Variants in ZNF808 observed in about 807,000 individuals in gnomAD.
ZNF808 encodes the protein zinc finger protein 808.
Under a neutral mutation model 8.7 loss-of-function variants are expected in ZNF808, and 5 were observed. That is an observed-to-expected ratio of 0.58 (90% CI 0.30 to 1.21). ZNF808 has a LOEUF of 1.21. Among genes scored for constraint, ZNF808 ranks in the 50% most tolerant of loss-of-function variants. The pLI is 0.07. For missense variants in ZNF808, 1,103 were observed against 1,098.4 expected, an observed-to-expected ratio of 1.00 and a Z score of -0.06; for synonymous variants, 380 against 366.0, an observed-to-expected ratio of 1.04 and a Z score of -0.44.
At chr19:52,533,803 A>C (rs953911113) in intron 2 of ZNF808, among the ~76,000 whole-genome samples, 2 of 133,658 alleles carry the variant, frequency 1.5e-5, no homozygotes, top group African/African-American at 5.6e-5. Flanking sequence ...AGATTGTGCC[A>C]CTGCACTGTA....
intron 1 of ZNF808, among the ~76,000 whole-genome samples, chr19:52,532,625 G>A (rs1259813473): frequency 1.3e-5 from 2 of 151,940 alleles, no homozygotes; most frequent in Admixed American, 1.3e-4. Context: ...TACATTTTAG[G>A]GTCACAGTGG....
chr19:52,562,244 G>T (rs982957116), intron 3 of ZNF808, among the ~76,000 whole-genome samples: 34 of 152,142 alleles, frequency 2.2e-4, no homozygotes, highest in Non-Finnish European at 7.3e-5. Flanking sequence ...TGGGTGTGGT[G>T]TAACATGCCT....
At chr19:52,530,196 G>A (rs2059548780) in intron 1 of ZNF808, among the ~76,000 whole-genome samples, 1 of 152,076 alleles carries the variant, frequency 6.6e-6, no homozygotes, top group African/African-American at 2.4e-5. Context: ...GAGTAGTTGG[G>A]AGTACAGGCA....
rs910297536 is a variant in ZNF808, at chr19:52,547,394, C to T, written c.64-118C>T. 1.9e-6 allele frequency: 3 copies of T among 1,553,162 alleles called. No homozygotes were observed. The African/African-American group carries it at 4.2e-5, about 22-fold the overall frequency. ...AAATAGTCAAAAATACCTTAACATC[C>T]TTTTGTCAGAACACAGTCTTTGATC... is the stretch of plus-strand genomic sequence containing the variant. On this transcript the variant is annotated intron_variant, in intron 3 of 4. Coordinates refer to ENST00000359798, the MANE Select transcript of ZNF808 (RefSeq NM_001039886.4).
chr19:52,562,237 G>A (rs1448165652), intron 3 of ZNF808, among the ~76,000 whole-genome samples: 1 of 152,110 alleles, frequency 6.6e-6, no homozygotes. Flanking sequence ...AATTACCTGG[G>A]TGTGGTGTAA....
chr19:52,530,180 T>C (rs2633517), intron 1 of ZNF808, among the ~76,000 whole-genome samples: 36,708 of 151,770 alleles, frequency 0.24, 5,017 homozygotes, highest in East Asian at 0.5. Context: ...ACTGCCTCAC[T>C]CTCCAGAGTA....
At chr19:52,530,609 G>A (rs1482574009) in intron 1 of ZNF808, among the ~76,000 whole-genome samples, 1 of 151,772 alleles carries the variant, frequency 6.6e-6, no homozygotes, top group Non-Finnish European at 1.5e-5. Flanking sequence ...GTTGCAGTGA[G>A]CCGAGATTGC....
At chr19:52,560,033 G>A (rs978585087), downstream of ZNF808, among the ~76,000 whole-genome samples, 5 of 152,164 alleles carry the variant, frequency 3.3e-5, no homozygotes, top group South Asian at 8.3e-4. Context: ...CTATCACAAT[G>A]ATGAGTTATT....
At position 52,554,891 on chromosome 19, in the gene ZNF808, A is replaced by T. The variant is rs765937370; in HGVS notation, c.1975A>T (p.Thr659Ser). ...TTACAAGTGTAATGAGTGTGGGAAG[A>T]CCTTCAGTTACAAGTCATCACTTGT... ...KTYKCNECGK[T>S]FSYKSSLVWH... The change falls in exon 5 of 5, where the codon ACC becomes TCC. Residue 659 changes from threonine (T) to serine (S), a missense_variant. By Grantham distance (58) the Thr-to-Ser change is moderately conservative (BLOSUM62 1). Coordinates refer to ENST00000359798, the MANE Select transcript of ZNF808 (RefSeq NM_001039886.4). 2 of 1,614,134 alleles carry T rather than the reference A, an allele frequency of 1.2e-6. No individual in the cohort carries two copies. Among genetic ancestry groups the T allele is most frequent in the South Asian group, 2.2e-5 (2 of 91,082 alleles).
chr19:52,531,432 G>A (rs1229933022), intron 1 of ZNF808, among the ~76,000 whole-genome samples: 6 of 151,452 alleles, frequency 4.0e-5, no homozygotes, highest in South Asian at 2.1e-4. Context: ...CCAAGATCGC[G>A]CCATTGCACT....
intron 2 of ZNF808, among the ~76,000 whole-genome samples, chr19:52,539,709 A>G (rs2123112171): frequency 6.6e-6 from 1 of 151,380 alleles, no homozygotes; most frequent in Non-Finnish European, 1.5e-5. Flanking sequence ...ACACACCACC[A>G]TGGCCGGCTA....
downstream of ZNF808, among the ~76,000 whole-genome samples, chr19:52,560,886 T>C (rs1011192312): frequency 6.6e-6 from 1 of 152,116 alleles, no homozygotes; most frequent in Admixed American, 6.6e-5. Flanking sequence ...GGATGCAAAA[T>C]ACTGTTGCTT....
downstream of ZNF808, among the ~76,000 whole-genome samples, chr19:52,559,994 T>C (rs530520332): frequency 6.6e-4 from 101 of 152,322 alleles, no homozygotes; most frequent in African/African-American, 2.4e-3. Flanking sequence ...ATAGTTGTTA[T>C]GATTGTAAGT....
Position 52,553,593 on chromosome 19 carries a change from T to C in ZNF808, c.677T>C (p.Met226Thr), listed in dbSNP as rs1348017376. 1 of 1,614,060 alleles carries C rather than the reference T, an allele frequency of 6.2e-7. No individual in the cohort carries two copies. Among genetic ancestry groups the C allele is most frequent in the Non-Finnish European group, 8.5e-7 (1 of 1,180,030 alleles). ...CTCCCACAAAAACAGGAAGTACACA[T>C]GAGAGAAAAATCTTTCCCATGTAAT... The part of the protein sequence containing the change: ...SLLPQKQEVH[M>T]REKSFPCNES... The change falls in exon 5 of 5, where the codon ATG (methionine) becomes ACG (threonine). Residue 226 changes from methionine (M) to threonine (T), a missense_variant. By Grantham distance (81) the Met-to-Thr change is moderately conservative (BLOSUM62 -1). Transcript: ENST00000359798.
chr19:52,555,062 T>C lies in ZNF808; in HGVS notation c.2146T>C (p.Phe716Leu). ...PYKCNECSKT[F>L]SNRSSLVCHR... ...CAAGTGTAATGAGTGCAGCAAGACCTTCAGTAACAGGTCATCCCTTGTATG... is the reference window on the plus strand; with the variant it reads ...CAAGTGTAATGAGTGCAGCAAGACCCTCAGTAACAGGTCATCCCTTGTATG... The change falls in exon 5 of 5, where the codon TTC (phenylalanine) becomes CTC (leucine). Residue 716 changes from phenylalanine (F) to leucine (L), a missense_variant. Phe to Leu is a conservative substitution (Grantham distance 22). Transcript: ENST00000359798. 1 of 1,614,072 alleles carries C rather than the reference T, an allele frequency of 6.2e-7. No individual in the cohort carries two copies. Among genetic ancestry groups the C allele is most frequent in the South Asian group, 1.1e-5 (1 of 91,078 alleles).
rs1307682986 is a variant in ZNF808, at chr19:52,554,445, C to T, written c.1529C>T (p.Pro510Leu). 1.9e-6 allele frequency: 3 copies of T among 1,614,024 alleles called. No homozygotes were observed. The highest frequency in any genetic ancestry group is 2.7e-5 in the African/African-American group (2 of 74,920). The part of the protein sequence containing the change: ...CHRRLHSGEK[P>L]YKCNQCGNTF... ...CGTAGACTTCATAGTGGTGAAAAAC[C>T]TTACAAGTGTAATCAGTGTGGCAAT... The change falls in exon 5 of 5, where the codon CCT becomes CTT. Residue 510 changes from proline (P) to leucine (L), a missense_variant. Pro to Leu is a moderately conservative substitution (Grantham distance 98, BLOSUM62 -3). Transcript: ENST00000359798.
chr19:52,537,809 C>G (rs2059627908), intron 2 of ZNF808, among the ~76,000 whole-genome samples: 4 of 151,798 alleles, frequency 2.6e-5, no homozygotes, highest in Non-Finnish European at 4.4e-5. Context: ...TTAAATTATA[C>G]AGATGAGTTT....
chr19:52,542,458 T>TAGA (rs2059680289), intron 2 of ZNF808, among the ~76,000 whole-genome samples: 10 of 130,248 alleles, frequency 7.7e-5, no homozygotes, highest in Admixed American at 6.7e-4. Context: ...GCTCTTCCCC[T>TAGA]CAGCTGCAAG....
At chr19:52,536,744 G>T (rs1378763160) in intron 2 of ZNF808, among the ~76,000 whole-genome samples, 1 of 152,142 alleles carries the variant, frequency 6.6e-6, no homozygotes, top group Non-Finnish European at 1.5e-5. Context: ...GGAGGACACC[G>T]GGGGATCTGG....
Sources: gnomAD v4.1 joint callset for allele counts (sites outside exome capture counted in the v4.1 genomes callset) on GRCh38, gnomAD v4.1.1 for gene constraint, MANE v1.5 for transcripts, NCBI Gene and HGNC (gene_info 2026-07-23, HGNC 2026-07-21) for gene names.